Variants in PRKN observed in about 807,000 individuals in gnomAD.
The protein encoded by PRKN is E3 ubiquitin-protein ligase parkin.
In PRKN, 56 loss-of-function variants were observed where a neutral mutation model predicts 59.5. That is an observed-to-expected ratio of 0.94 (90% CI 0.76 to 1.18). PRKN has a LOEUF of 1.18. PRKN is among the 50% of genes most tolerant of loss of function. PRKN has a pLI of 0.00. For synonymous variants in PRKN, 250 were observed against 222.1 expected (o/e 1.13, Z -1.12); for missense variants, 657 against 596.4 (o/e 1.10, Z -1.06).
At chr6:162,372,664 A>C (rs1785832629) in intron 2 of PRKN, among the ~76,000 whole-genome samples, 1 of 152,196 alleles carries the variant, frequency 6.6e-6, no homozygotes, top group African/African-American at 2.4e-5. Flanking sequence ...GCATCACGCA[A>C]TATACCCATC....
At chr6:162,065,516 C>A (rs1276595353) in intron 4 of PRKN, among the ~76,000 whole-genome samples, 3 of 152,052 alleles carry the variant, frequency 2.0e-5, no homozygotes, top group Non-Finnish European at 4.4e-5. Context: ...TCTGGCAACA[C>A]CCTCACAGAC....
At chr6:162,543,064 T>C (rs916206940) in intron 1 of PRKN, among the ~76,000 whole-genome samples, 9 of 152,146 alleles carry the variant, frequency 5.9e-5, no homozygotes, top group Non-Finnish European at 8.8e-5. Context: ...AGACAGTCAG[T>C]TGGTGTCCCC....
Position 162,443,301 on chromosome 6 carries a change from G to A in PRKN, c.171+9C>T, listed in dbSNP as rs780134516. 1.1e-5 allele frequency: 18 copies of A among 1,612,048 alleles called. No homozygotes were observed. The highest frequency in any genetic ancestry group is 1.5e-5 in the Non-Finnish European group (18 of 1,179,996). On this transcript the variant is annotated intron_variant, in intron 2 of 11. Transcript: ENST00000366898. ...GGCATCCCAAGAACGGCCGCCAAGGGAGACTCACCTGCACAGTCCAGTCAT... is the reference window on the plus strand; with the variant it reads ...GGCATCCCAAGAACGGCCGCCAAGGAAGACTCACCTGCACAGTCCAGTCAT...
intron 2 of PRKN, among the ~76,000 whole-genome samples, chr6:162,353,443 T>G (rs1784706141): frequency 6.6e-6 from 1 of 152,178 alleles, no homozygotes; most frequent in Non-Finnish European, 1.5e-5. Flanking sequence ...TTATATATTA[T>G]GTACATAAAA....
At chr6:162,290,040 T>C (rs1427070341) in intron 2 of PRKN, among the ~76,000 whole-genome samples, 1 of 152,190 alleles carries the variant, frequency 6.6e-6, no homozygotes, top group African/African-American at 2.4e-5. Context: ...TCAGCTTATC[T>C]GAGTTGTGCT....
At chr6:161,677,298 G>C (rs577172550) in intron 7 of PRKN, among the ~76,000 whole-genome samples, 5 of 151,186 alleles carry the variant, frequency 3.3e-5, no homozygotes, top group Admixed American at 3.3e-4. Context: ...TTTGGTGAGG[G>C]GGGTGAAGAT....
chr6:162,449,749 G>C (rs1790500079), intron 1 of PRKN, among the ~76,000 whole-genome samples: 1 of 152,032 alleles, frequency 6.6e-6, no homozygotes. Flanking sequence ...ATAGAGGCCA[G>C]GATTTTTGCC....
chr6:162,157,231 C>T (rs1740273529), intron 4 of PRKN, among the ~76,000 whole-genome samples: 1 of 151,972 alleles, frequency 6.6e-6, no homozygotes, highest in Non-Finnish European at 1.5e-5. Context: ...ACCCTGTGCT[C>T]CAGCTCCAAG....
intron 7 of PRKN, among the ~76,000 whole-genome samples, chr6:161,667,917 TAATC>T (rs1176972529): frequency 1.3e-5 from 2 of 152,188 alleles, no homozygotes; most frequent in Non-Finnish European, 2.9e-5. Context: ...ACATTTCAGA[TAATC>T]AAACAATGTT....
chr6:162,726,720 C>A (rs1327444491), intron 1 of PRKN, among the ~76,000 whole-genome samples: 1 of 152,198 alleles, frequency 6.6e-6, no homozygotes, highest in Non-Finnish European at 1.5e-5. Flanking sequence ...TTACTGCAAT[C>A]AAAAGTGTTT....
intron 7 of PRKN, among the ~76,000 whole-genome samples, chr6:161,574,261 G>A (rs1781045773): frequency 6.6e-6 from 1 of 152,120 alleles, no homozygotes; most frequent in Admixed American, 6.6e-5. Flanking sequence ...CGGGCCCACA[G>A]AATGCATTCG....
chr6:162,185,799 T>C (rs942464500), intron 4 of PRKN, among the ~76,000 whole-genome samples: 1 of 152,126 alleles, frequency 6.6e-6, no homozygotes, highest in East Asian at 1.9e-4. Flanking sequence ...AAGAAAAATA[T>C]AAGAACATCT....
intron 1 of PRKN, among the ~76,000 whole-genome samples, chr6:162,584,558 A>C (rs933090174): frequency 6.6e-6 from 1 of 152,082 alleles, no homozygotes; most frequent in Admixed American, 6.5e-5. Flanking sequence ...AGGAGTCAGA[A>C]GGTGAATCAC....
intron 2 of PRKN, chr6:162,266,431 T>C (rs967455854): frequency 2.0e-5 from 3 of 151,960 alleles, no homozygotes; most frequent in African/African-American, 4.8e-5. Flanking sequence ...ACACAGTGCT[T>C]TGGAGCCAGG....
Position 161,686,409 on chromosome 6 carries a change from C to A in PRKN, c.871+99363G>T, listed in dbSNP as rs564363323. 1.7e-3 allele frequency among the ~76,000 whole-genome samples: 264 copies of A among 152,274 alleles called. 1 individual carries two copies. The highest frequency in any genetic ancestry group is 2.2e-3 in the Non-Finnish European group (148 of 68,034). ...ATCCTACTTATCTACATAGATCAAC[C>A]AATAAACCCTTTGCGTAAAAATTAC... On this transcript the variant is annotated intron_variant, in intron 7 of 11. Coordinates refer to ENST00000366898, the MANE Select transcript of PRKN (RefSeq NM_004562.3).
In PRKN at chr6:161,444,704, C is replaced by T. The variant is rs1789405101; in HGVS notation, c.1084-57827G>A. Among the ~76,000 whole-genome samples the T allele has an allele frequency of 6.6e-6, 1 of 152,238 alleles. No individual in the cohort carries two copies. Among genetic ancestry groups the T allele is most frequent in the Non-Finnish European group, 1.5e-5 (1 of 68,054 alleles). ...AACAGCGAGCTTTGCACGAGCGCTA[C>T]CGCGTGGCGGTGGAAACATTTGTTC... is the stretch of plus-strand genomic sequence containing the variant. On this transcript the variant is annotated intron_variant, in intron 9 of 11. Transcript: ENST00000366898. The surrounding 1 kb of genome is among the most constrained non-coding windows in gnomAD (Gnocchi z 5.6).
At chr6:162,473,290 G>A (rs537196005) in intron 1 of PRKN, among the ~76,000 whole-genome samples, 70 of 152,274 alleles carry the variant, frequency 4.6e-4, no homozygotes, top group Admixed American at 1.9e-3. Context: ...AACAAATGAT[G>A]TCTCCTTCTT....
At chr6:161,886,962 T>G (rs1410769872) in intron 6 of PRKN, among the ~76,000 whole-genome samples, 1 of 152,120 alleles carries the variant, frequency 6.6e-6, no homozygotes, top group South Asian at 2.1e-4. Context: ...TGTCAAAAAC[T>G]TCTGAAGAAA....
intron 2 of PRKN, among the ~76,000 whole-genome samples, chr6:162,378,153 C>CTCCCCTT (rs1786225034): frequency 6.6e-6 from 1 of 152,178 alleles, no homozygotes; most frequent in South Asian, 2.1e-4. Context: ...GAGTTCTTTT[C>CTCCCCTT]TCCCCTTTCT....
Sources: allele counts gnomAD v4.1 joint callset (sites outside exome capture counted in the v4.1 genomes callset), GRCh38; gene constraint gnomAD v4.1.1; non-coding constraint Gnocchi (gnomAD v3.1); transcripts MANE v1.5; gene names NCBI Gene and HGNC (gene_info 2026-07-23, HGNC 2026-07-21).